MSLN: variants seen among roughly 807,000 people sequenced by gnomAD.
MSLN encodes mesothelin, also known as CAK1 antigen.
Under a neutral mutation model 72.6 loss-of-function variants are expected in MSLN, and 82 were observed. The observed-to-expected ratio is 1.13, with a 90% CI of 0.94 to 1.36. MSLN has a LOEUF of 1.36. MSLN is among the 40% of genes most tolerant of loss of function. MSLN has a pLI of 0.00. For missense variants in MSLN, 1,005 were observed against 847.9 expected (o/e 1.19, Z -2.30); for synonymous variants, 456 against 387.3 (o/e 1.18, Z -2.08).
At chr16:765,995 G>C in intron 11 of MSLN, 64 bp from the exon 12 acceptor site, 4 of 1,498,640 alleles carry the variant, frequency 2.7e-6, no homozygotes, top group Non-Finnish European at 3.6e-6. Flanking sequence ...TCTCACAGGA[G>C]GTGTGGGAGG....
chr16:763,091 G>A (rs2041556652), intron 3 of MSLN, 142 bp from the exon 4 acceptor site: 1 of 621,636 alleles, frequency 1.6e-6, no homozygotes, highest in Non-Finnish European at 2.8e-6. Flanking sequence ...CGGGGTACAT[G>A]GGCCTGAGCC....
At chr16:762,882 C>A (rs780812757) in intron 3 of MSLN, 117 bp downstream of exon 3, 2 of 816,224 alleles carry the variant, frequency 2.5e-6, no homozygotes, top group Non-Finnish European at 3.8e-6. Context: ...GTGGTGGCCA[C>A]GTCTCAGCAG....
At chr16:761,041 G>A (rs1201509113) in intron 1 of MSLN, 32 bp from the exon 2 acceptor site, 1 of 152,272 alleles carries the variant, frequency 6.6e-6, no homozygotes, top group Non-Finnish European at 1.5e-5. Flanking sequence ...CGATCTGAAA[G>A]GGGCTGTCCT....
At chr16:767,355 G>A (rs376913094) in intron 15 of MSLN, 21 bp from the exon 16 acceptor site, 2 of 1,607,462 alleles carry the variant, frequency 1.2e-6, no homozygotes, top group Admixed American at 1.7e-5. Context: ...CCTCAGCTCG[G>A]GCCCCTCTCC....
At chr16:767,240 C>T in intron 15 of MSLN, 136 bp from the exon 16 acceptor site, 1 of 1,107,124 alleles carries the variant, frequency 9.0e-7, no homozygotes. Flanking sequence ...GGTCAGGCGG[C>T]TAGGCAAACC....
intron 9 of MSLN, 21 bp from the exon 10 acceptor site, chr16:765,506 C>G: frequency 6.3e-7 from 1 of 1,592,298 alleles, no homozygotes; most frequent in South Asian, 1.1e-5. Flanking sequence ...GGTCCCTGAG[C>G]TGTGTCCCGT....
chr16:762,743 C>A lies in MSLN; in HGVS notation c.63C>A (p.Leu21=). 3 of 1,599,650 alleles carry A rather than the reference C, an allele frequency of 1.9e-6. No individual in the cohort carries two copies. Among genetic ancestry groups the A allele is most frequent in the South Asian group, 1.1e-5 (1 of 88,970 alleles). ...GTGGGACCCCCGCCCTCGGCAGCCT[C>A]CTGTTCCTGCTCTTCAGCCTCGGTG... is the stretch of plus-strand genomic sequence containing the variant. ...GSCGTPALGS[L]LFLLFSLGWV... is the part of the protein sequence containing the mutation. Residue 21 remains leucine, a synonymous_variant, in exon 3 of 18, where the codon CTC becomes CTA. Coordinates refer to ENST00000545450, the MANE Select transcript of MSLN (RefSeq NM_005823.6).
In MSLN at chr16:768,353, T is replaced by A. The variant is rs1202098630; in HGVS notation, c.1597-26T>A. On this transcript the variant is annotated intron_variant, in intron 16 of 17. Transcript: ENST00000545450. ...GGCGCTGAGGGAAGGAGACCCTCCT[T>A]GATGGCTGCCCGGGGTCTCTGGCAG... 2.0e-6 allele frequency: 3 copies of A among 1,499,560 alleles called. No individual in the cohort carries two copies. In the Admixed American group the frequency reaches 6.9e-5, roughly 34 times the overall value. The allele number at this position is 1,499,560 out of a possible 1,614,324, so 92.9% of individuals were successfully genotyped here.
chr16:765,036 G>T lies in MSLN; in HGVS notation c.510G>T (p.Trp170Cys). The T allele has an allele frequency of 2.5e-6, 4 of 1,611,394 alleles. No individual in the cohort carries two copies. Among genetic ancestry groups the T allele is most frequent in the Non-Finnish European group, 3.4e-6 (4 of 1,179,298 alleles). ...QRLLPAALAC[W>C]GVRGSLLSEA... ...TGCTGCCTGCGGCTCTGGCCTGCTG[G>T]GTAGGGGCTGGGGCCAGCGCGGGGC... The change falls in exon 8 of 18, where the codon TGG (tryptophan) becomes TGT (cysteine). Residue 170 changes from tryptophan (W) to cysteine (C), a missense_variant and splice_region_variant. By Grantham distance (215) the Trp-to-Cys change is radical (BLOSUM62 -2). Coordinates refer to ENST00000545450, the MANE Select transcript of MSLN (RefSeq NM_005823.6).
chr16:765,449 C>G (rs1401712569), intron 9 of MSLN, 78 bp from the exon 10 acceptor site: 1 of 1,456,668 alleles, frequency 6.9e-7, no homozygotes, highest in African/African-American at 1.4e-5. Context: ...CCTCCACAGC[C>G]AGGGGGTACG....
Position 767,027 on chromosome 16 carries a change from C to T in MSLN, c.1501+15C>T, listed in dbSNP as rs781761925. The T allele has an allele frequency of 2.1e-6, 2 of 956,464 alleles. No individual in the cohort carries two copies. Among genetic ancestry groups the T allele is most frequent in the East Asian group, 4.4e-5 (1 of 22,548 alleles). The allele number at this position is 956,464 out of a possible 1,614,324, so 59.2% of individuals were successfully genotyped here. ...GTCCTTCCTGGGTGAGCCAGGGAGT[C>T]CCTGGCCAGGGTGGGCAACACAACG... On this transcript the variant is annotated intron_variant, in intron 15 of 17. Transcript: ENST00000545450.
rs552877065 is a variant in MSLN, at chr16:764,988, G to T, written c.462G>T (p.Arg154Ser). Residue 154 changes from arginine to serine, a missense_variant, in exon 8 of 18, where the codon AGG (arginine) becomes AGT (serine). Transcript: ENST00000545450. ...AGGCCAATGTGGACCTGCTCCCGAG[G>T]GGGGCTCCCGAGCGACAGCGGCTGC... is the stretch of plus-strand genomic sequence containing the variant. ...ITKANVDLLP[R>S]GAPERQRLLP... The T allele has an allele frequency of 1.3e-4, 217 of 1,612,294 alleles. 1 individual carries two copies. The South Asian group carries it at 2.3e-3, about 17-fold the overall frequency.
intron 2 of MSLN, 183 bp from the exon 3 acceptor site, chr16:762,489 G>GCCT: frequency 1.7e-6 from 1 of 585,142 alleles, no homozygotes; most frequent in Non-Finnish European, 3.0e-6. Context: ...GACAGGAGGA[G>GCCT]CCAGTCCAGG....
rs769529549 is a variant in MSLN at position 763,298 on chromosome 16, C to A, written c.129+22C>A. The A allele has an allele frequency of 1.1e-5, 17 of 1,534,308 alleles. No homozygotes were observed. In the Admixed American group the frequency reaches 3.4e-4, roughly 30 times the overall value. Reference sequence around the variant, plus strand: ...GCAGGTAAGGTCCCCTCTGGGGAAACAGGGGAGGGTCTTCAGGTCCCAGGT... The same window carrying A: ...GCAGGTAAGGTCCCCTCTGGGGAAAAAGGGGAGGGTCTTCAGGTCCCAGGT... On this transcript the variant is annotated intron_variant, in intron 4 of 17. Coordinates refer to ENST00000545450, the MANE Select transcript of MSLN (RefSeq NM_005823.6).
chr16:767,222 C>T (rs768872712), intron 15 of MSLN, among the ~76,000 whole-genome samples, 154 bp from the exon 16 acceptor site: 10 of 151,900 alleles, frequency 6.6e-5, no homozygotes, highest in South Asian at 2.1e-4. Context: ...GGGTCTCCCA[C>T]GCCTGGGGGT....
rs2041589964 is a variant in MSLN at position 765,226 on chromosome 16, G to A, written c.627G>A (p.Val209=). The part of the protein sequence containing the change: ...ESAEVLLPRL[V]SCPGPLDQDQ... ...CCGAAGTGCTGCTACCCCGGCTGGT[G>A]AGCTGCCCGGGACCCCTGGACCAGG... Residue 209 remains valine (V), a synonymous_variant, in exon 9 of 18, where the codon GTG becomes GTA. Coordinates refer to ENST00000545450, the MANE Select transcript of MSLN (RefSeq NM_005823.6). 6.3e-7 allele frequency: 1 copy of A among 1,585,594 alleles called. No homozygotes were observed. Among genetic ancestry groups the A allele is most frequent in the Non-Finnish European group, 8.5e-7 (1 of 1,172,160 alleles).
At position 768,234 on chromosome 16, in the gene MSLN, C is replaced by T. The variant is rs2041666201; in HGVS notation, c.1597-145C>T. 6.5e-6 allele frequency: 5 copies of T among 764,560 alleles called. No individual in the cohort carries two copies. In the East Asian group the frequency reaches 8.4e-5, roughly 13 times the overall value. The allele number at this position is 764,560 out of a possible 1,614,324, so 47.4% of individuals were successfully genotyped here. On this transcript the variant is annotated intron_variant, in intron 16 of 17. Coordinates refer to ENST00000545450, the MANE Select transcript of MSLN (RefSeq NM_005823.6). ...GGAAGGGCAGCCATTGAGCTGAGGT[C>T]AGCTGGCCGGAGACCTCCGAAGTCT...
intron 13 of MSLN, 48 bp from the exon 14 acceptor site, chr16:766,620 G>A: frequency 2.5e-6 from 4 of 1,611,240 alleles, no homozygotes; most frequent in Non-Finnish European, 3.4e-6. Context: ...GGTGGTGGAG[G>A]GATACATCTC....
At chr16:762,597 T>C in intron 2 of MSLN, 75 bp from the exon 3 acceptor site, 2 of 1,145,268 alleles carry the variant, frequency 1.7e-6, no homozygotes, top group Non-Finnish European at 2.6e-6. Context: ...TGGGCCCATG[T>C]GGCCCCAGGC....
Sources: gnomAD v4.1 joint callset for allele counts (sites outside exome capture counted in the v4.1 genomes callset) on GRCh38, gnomAD v4.1.1 for gene constraint, MANE v1.5 for transcripts, NCBI Gene and HGNC (gene_info 2026-07-23, HGNC 2026-07-21) for gene names.